Variants in SORCS1 observed in about 807,000 individuals in gnomAD.
SORCS1 encodes VPS10 domain-containing receptor SorCS1.
Under a neutral mutation model 146.1 loss-of-function variants are expected in SORCS1, and 60 were observed. The observed-to-expected ratio is 0.41, with a 90% CI of 0.33 to 0.51. The LOEUF (loss-of-function observed/expected upper bound fraction) is 0.51. Ranked by LOEUF, SORCS1 falls within the 20% of genes least tolerant of loss-of-function variation. SORCS1 has a pLI of 0.21. For synonymous variants in SORCS1, 637 were observed against 584.0 expected, an observed-to-expected ratio of 1.09 and a Z score of -1.31; for missense variants, 1,352 against 1,487.6, an observed-to-expected ratio of 0.91 and a Z score of 1.50.
At chr10:106,896,444 A>G (rs901621913) in intron 2 of SORCS1, among the ~76,000 whole-genome samples, 5 of 151,454 alleles carry the variant, frequency 3.3e-5, no homozygotes, top group East Asian at 1.9e-4. Context: ...AAAAAAAAAA[A>G]AAAGAAATGA....
chr10:106,798,754 G>A (rs1338760527), intron 3 of SORCS1, among the ~76,000 whole-genome samples: 1 of 152,170 alleles, frequency 6.6e-6, no homozygotes, highest in Admixed American at 6.5e-5. Flanking sequence ...ACATACGTAT[G>A]CATGTGTCTT....
intron 3 of SORCS1, among the ~76,000 whole-genome samples, chr10:106,781,333 T>C (rs1460113633): frequency 6.6e-6 from 1 of 152,188 alleles, no homozygotes; most frequent in Non-Finnish European, 1.5e-5. Flanking sequence ...ATTTATTTTA[T>C]ATGTTGTTCA....
chr10:106,610,109 C>T (rs1002132888), intron 22 of SORCS1, among the ~76,000 whole-genome samples: 2 of 152,050 alleles, frequency 1.3e-5, no homozygotes, highest in Non-Finnish European at 2.9e-5. Context: ...GTGTAACCAC[C>T]AATCATGTCA....
At chr10:107,029,231 G>A (rs550306741) in intron 1 of SORCS1, among the ~76,000 whole-genome samples, 7 of 152,246 alleles carry the variant, frequency 4.6e-5, no homozygotes, top group African/African-American at 1.7e-4. Flanking sequence ...AGGATGTTTT[G>A]GTCATTCACT....
chr10:106,883,346 A>AT (rs1240809949), intron 2 of SORCS1, among the ~76,000 whole-genome samples: 1 of 152,182 alleles, frequency 6.6e-6, no homozygotes, highest in African/African-American at 2.4e-5. Flanking sequence ...ATTCTACGCC[A>AT]TGCTCAAAGA....
chr10:106,952,697 C>G (rs532098034), intron 2 of SORCS1, among the ~76,000 whole-genome samples: 1 of 151,004 alleles, frequency 6.6e-6, no homozygotes, highest in Non-Finnish European at 1.5e-5. Flanking sequence ...CTAAAATGAC[C>G]AGGCGTGGTG....
At chr10:106,990,474 T>C (rs1956721706) in intron 1 of SORCS1, among the ~76,000 whole-genome samples, 1 of 152,076 alleles carries the variant, frequency 6.6e-6, no homozygotes, top group Non-Finnish European at 1.5e-5. Flanking sequence ...TTCACCATGT[T>C]GGCCAGGCTG....
intron 2 of SORCS1, among the ~76,000 whole-genome samples, chr10:106,855,470 T>C (rs1261000233): frequency 6.6e-6 from 1 of 152,194 alleles, no homozygotes; most frequent in Non-Finnish European, 1.5e-5. Context: ...CATTGCTTCA[T>C]ACATTGCTTG....
At chr10:106,862,780 CAAAAAAAAAAAAA>C (rs58654489) in intron 2 of SORCS1, among the ~76,000 whole-genome samples, 26 of 60,248 alleles carry the variant, frequency 4.3e-4, no homozygotes, top group Non-Finnish European at 4.8e-4. Context: ...CCTGTCTCTA[CAAAAAAAAAAAAA>C]AAAAAAAAAA....
At chr10:106,735,497 A>C (rs1370516394) in intron 5 of SORCS1, among the ~76,000 whole-genome samples, 1 of 152,216 alleles carries the variant, frequency 6.6e-6, no homozygotes, top group Non-Finnish European at 1.5e-5. Flanking sequence ...AGGAAAAGCA[A>C]GGTCCAGGAA....
At chr10:106,664,075 A>G (rs1354637008) in intron 17 of SORCS1, among the ~76,000 whole-genome samples, 1 of 152,222 alleles carries the variant, frequency 6.6e-6, no homozygotes, top group Non-Finnish European at 1.5e-5. Flanking sequence ...CTTAACAAAA[A>G]TCATTTGGGG....
chr10:106,685,962 A>T (rs1852798729), intron 10 of SORCS1, among the ~76,000 whole-genome samples: 1 of 152,214 alleles, frequency 6.6e-6, no homozygotes, highest in Non-Finnish European at 1.5e-5. Context: ...AACTGCAAAG[A>T]GGCACAAAGG....
chr10:107,042,027 T>G (rs1285652720), intron 1 of SORCS1, among the ~76,000 whole-genome samples: 1 of 152,196 alleles, frequency 6.6e-6, no homozygotes, highest in Non-Finnish European at 1.5e-5. Context: ...ATGCACTATT[T>G]CAAGCAAAGA....
intron 1 of SORCS1, among the ~76,000 whole-genome samples, chr10:107,070,667 G>A (rs553619794): frequency 3.3e-5 from 5 of 152,010 alleles, no homozygotes; most frequent in African/African-American, 9.7e-5. Context: ...CACAGAACAC[G>A]AGTAATACAG....
chr10:107,011,311 C>T (rs1957686249), intron 1 of SORCS1, among the ~76,000 whole-genome samples: 2 of 152,176 alleles, frequency 1.3e-5, no homozygotes, highest in South Asian at 4.1e-4. Context: ...ATGCCGCCTC[C>T]TATGGGGGAA....
intron 6 of SORCS1, among the ~76,000 whole-genome samples, chr10:106,729,420 A>G (rs1478880377): frequency 6.7e-6 from 1 of 150,032 alleles, no homozygotes; most frequent in Admixed American, 6.7e-5. Flanking sequence ...TCATGGGGAC[A>G]CACAGAAAAA....
At chr10:106,641,310 T>G (rs1849057129) in intron 18 of SORCS1, among the ~76,000 whole-genome samples, 1 of 152,196 alleles carries the variant, frequency 6.6e-6, no homozygotes, top group African/African-American at 2.4e-5. Context: ...ATCCCATTTC[T>G]TGCACATATT....
chr10:106,684,364 G>A (rs753771071), intron 10 of SORCS1, among the ~76,000 whole-genome samples: 1 of 152,022 alleles, frequency 6.6e-6, no homozygotes, highest in Non-Finnish European at 1.5e-5. Flanking sequence ...AAAGAAAACT[G>A]CCAGATGAAT....
the SORCS1 span, among the ~76,000 whole-genome samples, chr10:107,174,340 G>A: frequency 6.6e-6 from 1 of 151,990 alleles, no homozygotes; most frequent in Non-Finnish European, 1.5e-5. Context: ...CGAGTAGCTG[G>A]GACTACAGGC....
Sources: gnomAD v4.1 joint callset for allele counts (sites outside exome capture counted in the v4.1 genomes callset) on GRCh38, gnomAD v4.1.1 for gene constraint, MANE v1.5 for transcripts, NCBI Gene and HGNC (gene_info 2026-07-23, HGNC 2026-07-21) for gene names.